Variants in NALF1 observed in about 807,000 individuals in gnomAD.
The protein encoded by NALF1 is NALCN channel auxiliary factor 1, also known as family with sequence similarity 155 member A.
NALF1 carries 3 observed loss-of-function variants against 48.4 expected under a neutral mutation model. The observed-to-expected ratio is 0.06, with a 90% CI of 0.03 to 0.16. NALF1 has a LOEUF of 0.16. Ranked by LOEUF, NALF1 falls within the 10% of genes least tolerant of loss-of-function variation. The pLI is 1.00. For missense variants in NALF1, 526 were observed against 571.5 expected, an observed-to-expected ratio of 0.92 and a Z score of 0.81; for synonymous variants, 262 against 245.7, an observed-to-expected ratio of 1.07 and a Z score of -0.62.
At chr13:107,525,179 T>C (rs1876390912) in intron 1 of NALF1, among the ~76,000 whole-genome samples, 1 of 152,110 alleles carries the variant, frequency 6.6e-6, no homozygotes, top group Non-Finnish European at 1.5e-5. Context: ...CTATGAATTT[T>C]AACACATGGA....
At chr13:107,588,116 C>A (rs1878507933) in intron 1 of NALF1, among the ~76,000 whole-genome samples, 1 of 152,182 alleles carries the variant, frequency 6.6e-6, no homozygotes. Flanking sequence ...CATTCCTAAA[C>A]ATCTTTCTCT....
chr13:107,308,362 C>T (rs1470505688), intron 1 of NALF1, among the ~76,000 whole-genome samples: 2 of 151,786 alleles, frequency 1.3e-5, no homozygotes, highest in Non-Finnish European at 2.9e-5. Context: ...CCACCACGCC[C>T]GGCTAATTTT....
At chr13:107,469,905 G>A (rs113898082) in intron 1 of NALF1, among the ~76,000 whole-genome samples, 28 of 151,598 alleles carry the variant, frequency 1.8e-4, no homozygotes, top group Admixed American at 7.2e-4. Flanking sequence ...CACCACGCCC[G>A]GCTAATTTTT....
chr13:107,194,587 G>A (rs1420378180), intron 2 of NALF1, among the ~76,000 whole-genome samples: 1 of 152,140 alleles, frequency 6.6e-6, no homozygotes, highest in Admixed American at 6.5e-5. Flanking sequence ...ATGGATCAAA[G>A]ACTTAAATCT....
chr13:107,230,094 T>C lies in NALF1; in HGVS notation c.916-19339A>G, dbSNP rs140426233. Among the ~76,000 whole-genome samples the C allele has an allele frequency of 8.8e-3, 1,341 of 152,336 alleles. 11 individuals carry two copies. Among genetic ancestry groups the C allele is most frequent in the African/African-American group, 0.03 (1,248 of 41,576 alleles). On this transcript the variant is annotated intron_variant, in intron 1 of 2. Transcript: ENST00000375915. ...GGGAAAGGCACCCAGAGATGCCTCA[T>C]GCAGATTCGGCCTCCTCTCTTTATG... is the stretch of plus-strand genomic sequence containing the variant.
rs538090352 is a variant in NALF1, at chr13:107,269,416, C to A, written c.916-58661G>T. On this transcript the variant is annotated intron_variant, in intron 1 of 2. Coordinates refer to ENST00000375915, the MANE Select transcript of NALF1 (RefSeq NM_001080396.3). ...TGTTATTTACTATAACCAGAAACAC[C>A]TGAAAAAAAGTCAGGGGTCCAGGGA... is the stretch of plus-strand genomic sequence containing the variant. Among the ~76,000 whole-genome samples the A allele has an allele frequency of 3.3e-5, 5 of 151,840 alleles. No homozygotes were observed. In the South Asian group the frequency reaches 1.0e-3, roughly 32 times the overall value.
At chr13:107,528,233 T>C (rs1033383158) in intron 1 of NALF1, among the ~76,000 whole-genome samples, 5 of 151,920 alleles carry the variant, frequency 3.3e-5, no homozygotes, top group Admixed American at 2.0e-4. Flanking sequence ...GAAAAAAAAA[T>C]AGTTCCACAA....
intron 1 of NALF1, among the ~76,000 whole-genome samples, chr13:107,714,231 C>T (rs894490893): frequency 1.3e-5 from 2 of 152,144 alleles, no homozygotes; most frequent in Non-Finnish European, 2.9e-5. Flanking sequence ...GAATATGACA[C>T]ATAAGTGCAT....
intron 1 of NALF1, among the ~76,000 whole-genome samples, chr13:107,382,260 C>A (rs962466823): frequency 3.9e-5 from 6 of 152,122 alleles, no homozygotes; most frequent in Non-Finnish European, 7.3e-5. Context: ...TGTATGACAG[C>A]ATATATTGGC....
intron 1 of NALF1, among the ~76,000 whole-genome samples, chr13:107,517,691 C>T (rs1156782603): frequency 6.6e-6 from 1 of 151,698 alleles, no homozygotes; most frequent in Non-Finnish European, 1.5e-5. Flanking sequence ...CGCAGTGGCT[C>T]ATGTTGTAAT....
chr13:107,477,935 T>C (rs2139058089), intron 1 of NALF1, among the ~76,000 whole-genome samples: 1 of 152,222 alleles, frequency 6.6e-6, no homozygotes, highest in South Asian at 2.1e-4. Context: ...GAAGCCTAAC[T>C]TCAGCAGATG....
chr13:107,464,223 C>T (rs1310145934), intron 1 of NALF1, among the ~76,000 whole-genome samples: 1 of 115,622 alleles, frequency 8.6e-6, no homozygotes, highest in African/African-American at 3.3e-5. Context: ...TACCAACTCA[C>T]ATTAAAAAAA....
intron 1 of NALF1, among the ~76,000 whole-genome samples, chr13:107,851,805 C>CTTTTTTTTTTTTTTT (rs34999908): frequency 7.6e-5 from 8 of 104,706 alleles, no homozygotes; most frequent in Non-Finnish European, 9.3e-5. Context: ...CAGGCCCTTT[C>CTTTTTTTTTTTTTTT]TTTTTTTTTT....
intron 1 of NALF1, among the ~76,000 whole-genome samples, chr13:107,860,566 C>T (rs1473972346): frequency 2.2e-4 from 34 of 152,104 alleles, no homozygotes; most frequent in Non-Finnish European, 1.5e-5. Context: ...CAGGATGTTC[C>T]ACTGTGACCC....
At chr13:107,664,555 G>C (rs78096236) in intron 1 of NALF1, among the ~76,000 whole-genome samples, 1 of 152,008 alleles carries the variant, frequency 6.6e-6, no homozygotes, top group Non-Finnish European at 1.5e-5. Flanking sequence ...CTTCCTCACC[G>C]CCACTCCCCA....
chr13:107,687,054 C>T (rs4300490), intron 1 of NALF1, among the ~76,000 whole-genome samples: 77,013 of 151,964 alleles, frequency 0.51, 20,645 homozygotes, highest in Middle Eastern at 0.66. Flanking sequence ...TCAACTTAAG[C>T]GTCCATCAAT....
chr13:107,437,459 T>G (rs1432114410), intron 1 of NALF1, among the ~76,000 whole-genome samples: 1 of 152,232 alleles, frequency 6.6e-6, no homozygotes, highest in Non-Finnish European at 1.5e-5. Context: ...ATTATTCATA[T>G]GGTTCATAAT....
chr13:107,646,185 A>C (rs991298116), intron 1 of NALF1, among the ~76,000 whole-genome samples: 4 of 152,028 alleles, frequency 2.6e-5, no homozygotes, highest in Non-Finnish European at 5.9e-5. Context: ...TCAACAAGCT[A>C]TTCCTTTATA....
rs2138655747 is a variant in NALF1 at position 107,867,032 on chromosome 13, G to A, written c.-436C>T. Among the ~76,000 whole-genome samples the A allele has an allele frequency of 6.6e-6, 1 of 151,900 alleles. No individual in the cohort carries two copies. Among genetic ancestry groups the A allele is most frequent in the Admixed American group, 6.5e-5 (1 of 15,284 alleles). ...GTCACCCAGGCATTGTCAGCGCGCG[G>A]GTCCCCATGGCCCCGCGGAGCCCAG... On this transcript the variant is annotated 5_prime_UTR_variant, in exon 1 of 3. Transcript: ENST00000375915. This position sits in a 1 kb window ranked among gnomAD's most constrained non-coding sequence, Gnocchi z 4.4.
Sources: gnomAD v4.1 joint callset for allele counts (sites outside exome capture counted in the v4.1 genomes callset) on GRCh38, gnomAD v4.1.1 for gene constraint, Gnocchi (gnomAD v3.1) non-coding constraint, MANE v1.5 for transcripts, NCBI Gene and HGNC (gene_info 2026-07-23, HGNC 2026-07-21) for gene names.